The following C8A variants were observed in gnomAD, a reference collection of about 807,000 sequenced individuals.
The protein encoded by C8A is complement component C8 alpha chain.
In C8A, 67 loss-of-function variants were observed where a neutral mutation model predicts 65.3. The observed-to-expected ratio is 1.03, with a 90% CI of 0.84 to 1.26. The LOEUF (loss-of-function observed/expected upper bound fraction) is 1.26. Among genes scored for constraint, C8A ranks in the 50% most tolerant of loss-of-function variants. The pLI is 0.00. For missense variants in C8A, 781 were observed against 723.9 expected, an observed-to-expected ratio of 1.08 and a Z score of -0.90; for synonymous variants, 290 against 259.4, an observed-to-expected ratio of 1.12 and a Z score of -1.13.
intron 6 of C8A, 28 bp from the exon 7 acceptor site, chr1:56,885,899 T>G (rs1644295681): frequency 1.2e-6 from 2 of 1,613,546 alleles, no homozygotes; most frequent in African/African-American, 2.7e-5. Context: ...TTTGTTCTTT[T>G]GCTTTATTCA....
intron 5 of C8A, among the ~76,000 whole-genome samples, chr1:56,882,752 A>G (rs974678451): frequency 8.5e-5 from 13 of 152,190 alleles, no homozygotes; most frequent in African/African-American, 1.7e-4. Context: ...GGGGCTCTGT[A>G]TCAGGCAAGA....
chr1:56,874,047 C>T (rs12090500), intron 2 of C8A, among the ~76,000 whole-genome samples: 3,776 of 152,280 alleles, frequency 0.025, 147 homozygotes, highest in African/African-American at 0.086. Flanking sequence ...CCCAGGGACT[C>T]AGATGATGTC....
intron 10 of C8A, among the ~76,000 whole-genome samples, chr1:56,914,535 G>A (rs1356969455): frequency 6.6e-6 from 1 of 152,162 alleles, no homozygotes; most frequent in Non-Finnish European, 1.5e-5. Context: ...TAGGATTCAA[G>A]GGGATCTTCA....
In C8A at chr1:56,917,750, G is replaced by T. The variant is rs1229314963; in HGVS notation, c.*34G>T. The T allele has an allele frequency of 4.8e-5, 77 of 1,612,598 alleles. No individual in the cohort carries two copies. Among genetic ancestry groups the T allele is most frequent in the Non-Finnish European group, 6.5e-5 (77 of 1,179,488 alleles). The stretch of plus-strand genomic sequence containing the variant: ...GGACACAGGCTGGACCAGATGCTGT[G>T]GATGTCGACCCCTGCACTGACTATT... On this transcript the variant is annotated 3_prime_UTR_variant, in exon 11 of 11. Transcript: ENST00000361249.
At chr1:56,884,633 A>G (rs1341535487) in intron 6 of C8A, among the ~76,000 whole-genome samples, 1 of 152,164 alleles carries the variant, frequency 6.6e-6, no homozygotes, top group Non-Finnish European at 1.5e-5. Flanking sequence ...GACTTTTCTA[A>G]AAGCATGTGG....
intron 7 of C8A, among the ~76,000 whole-genome samples, chr1:56,887,475 T>C (rs575364822): frequency 6.6e-6 from 1 of 152,338 alleles, no homozygotes; most frequent in South Asian, 2.1e-4. Flanking sequence ...CTTTTTTTCA[T>C]ATGCTTGTTG....
At chr1:56,878,949 A>G (rs1644225690) in intron 4 of C8A, among the ~76,000 whole-genome samples, 1 of 152,246 alleles carries the variant, frequency 6.6e-6, no homozygotes, top group Admixed American at 6.5e-5. Flanking sequence ...TATACTTAAT[A>G]GTAGAGTTTT....
At chr1:56,860,834 C>T (rs1470199692) in intron 1 of C8A, among the ~76,000 whole-genome samples, 1 of 152,124 alleles carries the variant, frequency 6.6e-6, no homozygotes, top group East Asian at 1.9e-4. Context: ...AGAAGAAAGA[C>T]CGGACTGCAC....
intron 1 of C8A, among the ~76,000 whole-genome samples, chr1:56,863,193 A>T (rs1272688745): frequency 6.6e-6 from 1 of 152,318 alleles, no homozygotes; most frequent in East Asian, 1.9e-4. Context: ...TTCATTTATG[A>T]TCTTTCTTAT....
rs552401715 is a variant in C8A, at chr1:56,875,398, T to A, written c.316+305T>A. 4.6e-5 allele frequency among the ~76,000 whole-genome samples: 7 copies of A among 152,292 alleles called. No individual in the cohort carries two copies. In the South Asian group the frequency reaches 1.5e-3, roughly 32 times the overall value. On this transcript the variant is annotated intron_variant, in intron 3 of 10. Coordinates refer to ENST00000361249, the MANE Select transcript of C8A (RefSeq NM_000562.3). ...TGCCAGGAAGTATGCTATCTGCTGT[T>A]AATATAGACATGAAAAAAATAATGC...
intron 6 of C8A, 102 bp from the exon 7 acceptor site, chr1:56,885,825 C>T: frequency 6.6e-7 from 1 of 1,510,862 alleles, no homozygotes; most frequent in Non-Finnish European, 9.1e-7. Flanking sequence ...GCTGGGATTA[C>T]AGGCATGAGC....
chr1:56,885,846 A>G, intron 6 of C8A, 81 bp from the exon 7 acceptor site: 1 of 1,597,262 alleles, frequency 6.3e-7, no homozygotes, highest in Non-Finnish European at 8.5e-7. Context: ...CACTGCACCC[A>G]GAGACCTTTT....
At chr1:56,874,006 A>G (rs938826908) in intron 2 of C8A, among the ~76,000 whole-genome samples, 2 of 152,126 alleles carry the variant, frequency 1.3e-5, no homozygotes, top group African/African-American at 4.8e-5. Flanking sequence ...TCCTTCTGTC[A>G]AGTGTCTATT....
chr1:56,862,775 C>T (rs181312642), intron 1 of C8A, among the ~76,000 whole-genome samples: 77 of 152,226 alleles, frequency 5.1e-4, no homozygotes, highest in African/African-American at 1.5e-3. Context: ...AGTAGATTTT[C>T]GCCAGCTGAG....
intron 6 of C8A, among the ~76,000 whole-genome samples, chr1:56,885,299 T>TAA (rs1553175572): frequency 9.1e-5 from 10 of 110,008 alleles, no homozygotes; most frequent in East Asian, 3.3e-4. Flanking sequence ...AATATATATT[T>TAA]ATATATATTT....
At chr1:56,864,414 C>T (rs1011600303) in intron 1 of C8A, among the ~76,000 whole-genome samples, 10 of 151,942 alleles carry the variant, frequency 6.6e-5, no homozygotes, top group Admixed American at 4.6e-4. Context: ...AGGGAGGAAG[C>T]TTAGATGTTG....
At chr1:56,856,626 CATATT>C (rs1643979623) in intron 1 of C8A, among the ~76,000 whole-genome samples, 1 of 152,014 alleles carries the variant, frequency 6.6e-6, no homozygotes, top group Admixed American at 6.6e-5. Context: ...ACATTGAAAA[CATATT>C]ATATAGTTTT....
chr1:56,870,427 C>T (rs759428743), intron 2 of C8A, among the ~76,000 whole-genome samples: 4 of 152,122 alleles, frequency 2.6e-5, no homozygotes, highest in Non-Finnish European at 5.9e-5. Flanking sequence ...TCCCTGGTCA[C>T]GTTGCTGCCT....
At chr1:56,916,026 T>C (rs1644548408) in intron 10 of C8A, among the ~76,000 whole-genome samples, 1 of 152,208 alleles carries the variant, frequency 6.6e-6, no homozygotes, top group Admixed American at 6.5e-5. Flanking sequence ...CTAGGATCCC[T>C]GTCCACACAG....
Sources: allele counts gnomAD v4.1 joint callset (sites outside exome capture counted in the v4.1 genomes callset), GRCh38; gene constraint gnomAD v4.1.1; transcripts MANE v1.5; gene names NCBI Gene and HGNC (gene_info 2026-07-23, HGNC 2026-07-21).